The following PDE12 variants were observed in gnomAD, a reference collection of about 807,000 sequenced individuals.
PDE12 encodes 2',5'-phosphodiesterase 12.
A neutral mutation model predicts 45.4 loss-of-function variants in PDE12; 26 were observed. The ratio of observed to expected loss-of-function variants is 0.57; its 90% CI spans 0.42 to 0.79. The LOEUF is 0.79. Among genes scored for constraint, PDE12 ranks in the 30% least tolerant of loss-of-function variants. PDE12 has a pLI of 0.00. For missense variants in PDE12, 668 were observed against 790.0 expected (o/e 0.85, Z 1.85); for synonymous variants, 283 against 323.9 (o/e 0.87, Z 1.36).
the PDE12 span, chr3:57,654,972 T>G: frequency 4.5e-6 from 1 of 220,290 alleles, no homozygotes; most frequent in African/African-American, 2.3e-5. Flanking sequence ...ATGCTTGATA[T>G]AATACTATCA....
At chr3:57,576,855 A>G in the PDE12 span, among the ~76,000 whole-genome samples, 1 of 152,186 alleles carries the variant, frequency 6.6e-6, no homozygotes, top group Non-Finnish European at 1.5e-5. Flanking sequence ...GGTTACTATT[A>G]AAAAACATTT....
chr3:57,611,976 G>T, the PDE12 span, among the ~76,000 whole-genome samples: 1 of 152,048 alleles, frequency 6.6e-6, no homozygotes, highest in Non-Finnish European at 1.5e-5. Flanking sequence ...CAATAGCAAA[G>T]ACTTGGAACC....
rs1322439063 is a variant in PDE12, at chr3:57,559,669, A to G, written c.1495A>G (p.Ser499Gly). 6.2e-7 allele frequency: 1 copy of G among 1,614,196 alleles called. No individual in the cohort carries two copies. Among genetic ancestry groups the G allele is most frequent in the South Asian group, 1.1e-5 (1 of 91,086 alleles). The change falls in exon 3 of 3, where the codon AGT (serine) becomes GGT (glycine). Residue 499 changes from serine (S) to glycine (G), a missense_variant. By Grantham distance (56) the Ser-to-Gly change is moderately conservative (BLOSUM62 0). Coordinates refer to ENST00000311180, the MANE Select transcript of PDE12 (RefSeq NM_177966.7). ...AGTTATATTTTGTGGGGACTTTAATAGTACACCATCAACAGGAATGTATCA... is the reference window on the plus strand; with the variant it reads ...AGTTATATTTTGTGGGGACTTTAATGGTACACCATCAACAGGAATGTATCA... ...IPVIFCGDFN[S>G]TPSTGMYHFV...
At chr3:57,618,607 G>GTTTTT in the PDE12 span, among the ~76,000 whole-genome samples, 24,206 of 78,592 alleles carry the variant, frequency 0.31, 4,846 homozygotes, top group East Asian at 0.46. Context: ...TTGCTTTTGT[G>GTTTTT]TTTTTTTTTT....
chr3:57,635,199 G>GGGTTT, the PDE12 span, among the ~76,000 whole-genome samples: 2 of 141,344 alleles, frequency 1.4e-5, no homozygotes, highest in Non-Finnish European at 3.1e-5. Flanking sequence ...AGGGTTTGTG[G>GGGTTT]GGTTTTGTTT....
chr3:57,585,765 C>A, the PDE12 span, among the ~76,000 whole-genome samples: 8 of 149,198 alleles, frequency 5.4e-5, no homozygotes, highest in African/African-American at 2.0e-4. Context: ...CAGGTTCAAG[C>A]GATTCTCCTA....
the PDE12 span, among the ~76,000 whole-genome samples, chr3:57,574,402 G>A: frequency 7.6e-6 from 1 of 131,150 alleles, no homozygotes; most frequent in Non-Finnish European, 1.6e-5. Flanking sequence ...TTTTAGAGAA[G>A]TACAAATTTT....
chr3:57,602,719 C>T, the PDE12 span, among the ~76,000 whole-genome samples: 3,666 of 152,072 alleles, frequency 0.024, 68 homozygotes, highest in Non-Finnish European at 0.035. Context: ...TACAGGCGTG[C>T]GCCACTACGC....
In PDE12 at chr3:57,560,325, T is replaced by G; in HGVS notation, c.*321T>G. On this transcript the variant is annotated 3_prime_UTR_variant, in exon 3 of 3. Transcript: ENST00000311180. ...GTGTTTTTTGTTTGTTTGTTTTTGTTTTTGTTTTTGTTTTTTTGAGATGGA... is the reference window on the plus strand; with the variant it reads ...GTGTTTTTTGTTTGTTTGTTTTTGTGTTTGTTTTTGTTTTTTTGAGATGGA... 1 of 1,072,610 alleles carries G rather than the reference T, an allele frequency of 9.3e-7. No homozygotes were observed. The highest frequency in any genetic ancestry group is 1.1e-6 in the Non-Finnish European group (1 of 880,640). The allele number at this position is 1,072,610 out of a possible 1,614,324, so 66.4% of individuals were successfully genotyped here.
chr3:57,559,089 C>A (rs1283901988), intron 1 of PDE12, among the ~76,000 whole-genome samples: 1 of 151,934 alleles, frequency 6.6e-6, no homozygotes, highest in Non-Finnish European at 1.5e-5. Context: ...GGCGTGGTGG[C>A]ACGCGCCTGT....
At chr3:57,641,490 A>G in the PDE12 span, among the ~76,000 whole-genome samples, 1 of 150,966 alleles carries the variant, frequency 6.6e-6, no homozygotes, top group South Asian at 2.1e-4. Context: ...TACATATTAT[A>G]AGAGCCTGCA....
the PDE12 span, among the ~76,000 whole-genome samples, chr3:57,624,923 C>T: frequency 6.6e-6 from 1 of 151,850 alleles, no homozygotes; most frequent in Non-Finnish European, 1.5e-5. Context: ...TTTTTTGAGA[C>T]AGGTCTTGCT....
the PDE12 span, chr3:57,572,435 T>G: frequency 3.2e-6 from 2 of 634,324 alleles, no homozygotes; most frequent in Non-Finnish European, 5.3e-6. Context: ...TAAAGCTACT[T>G]CTGGCTGGGC....
the PDE12 span, among the ~76,000 whole-genome samples, chr3:57,607,599 G>A: frequency 6.6e-6 from 1 of 152,178 alleles, no homozygotes; most frequent in East Asian, 1.9e-4. Context: ...GAATGCACAA[G>A]CTTCAGTAGC....
the PDE12 span, among the ~76,000 whole-genome samples, chr3:57,589,643 G>A: frequency 4.4e-3 from 662 of 151,352 alleles, 6 homozygotes; most frequent in African/African-American, 0.015. Context: ...GCTTGAACCC[G>A]GGAGGTGGAG....
the PDE12 span, among the ~76,000 whole-genome samples, chr3:57,589,673 G>A: frequency 4.0e-5 from 6 of 149,622 alleles, no homozygotes; most frequent in East Asian, 2.1e-4. Flanking sequence ...AGCCCATACC[G>A]CGCCACGGCA....
At chr3:57,581,539 G>T in the PDE12 span, among the ~76,000 whole-genome samples, 1 of 152,208 alleles carries the variant, frequency 6.6e-6, no homozygotes, top group Non-Finnish European at 1.5e-5. Flanking sequence ...AGTAGCTCAT[G>T]CCTGTAATCC....
the PDE12 span, among the ~76,000 whole-genome samples, chr3:57,630,017 C>T: frequency 6.6e-6 from 1 of 152,144 alleles, no homozygotes; most frequent in Non-Finnish European, 1.5e-5. Context: ...AGTACTCCCA[C>T]TGTAGGCTAT....
the PDE12 span, among the ~76,000 whole-genome samples, chr3:57,629,367 G>C: frequency 1.3e-5 from 2 of 152,052 alleles, no homozygotes; most frequent in South Asian, 4.1e-4. Flanking sequence ...GAGTTTATGA[G>C]TAGAAAGTTA....
Sources: allele counts gnomAD v4.1 joint callset (sites outside exome capture counted in the v4.1 genomes callset), GRCh38; gene constraint gnomAD v4.1.1; transcripts MANE v1.5; gene names NCBI Gene and HGNC (gene_info 2026-07-23, HGNC 2026-07-21).